MTUS2: variants seen among roughly 807,000 people sequenced by gnomAD.
The protein encoded by MTUS2 is microtubule-associated tumor suppressor candidate 2.
Under a neutral mutation model 114.1 loss-of-function variants are expected in MTUS2, and 40 were observed. The ratio of observed to expected loss-of-function variants is 0.35; its 90% CI spans 0.27 to 0.46. MTUS2 has a LOEUF of 0.46. Among genes scored for constraint, MTUS2 ranks in the 20% least tolerant of loss-of-function variants. The pLI is 1.00. For missense variants in MTUS2, 1,679 were observed against 1,705.4 expected (o/e 0.98, Z 0.27); for synonymous variants, 688 against 672.0 (o/e 1.02, Z -0.37).
intron 5 of MTUS2, among the ~76,000 whole-genome samples, chr13:29,148,967 A>C (rs1318191782): frequency 1.3e-5 from 2 of 152,078 alleles, no homozygotes; most frequent in African/African-American, 4.8e-5. Flanking sequence ...TGTCTTTGCT[A>C]TTTTGAATAA....
At chr13:28,979,796 G>A (rs1046101667) in intron 2 of MTUS2, among the ~76,000 whole-genome samples, 2 of 152,116 alleles carry the variant, frequency 1.3e-5, no homozygotes, top group East Asian at 1.9e-4. Context: ...ATATCTTAAC[G>A]TTAGCATTAA....
intron 2 of MTUS2, among the ~76,000 whole-genome samples, chr13:28,841,449 G>A (rs1276586070): frequency 1.3e-5 from 2 of 152,164 alleles, no homozygotes; most frequent in Non-Finnish European, 2.9e-5. Flanking sequence ...GGCCGCTGGA[G>A]CGGCCGGAAG....
At chr13:29,306,728 A>G in intron 6 of MTUS2, 1 of 289,380 alleles carries the variant, frequency 3.5e-6, no homozygotes, top group Non-Finnish European at 7.0e-6. Context: ...CTCCTGTTCG[A>G]CAGACAGCCA....
intron 2 of MTUS2, among the ~76,000 whole-genome samples, chr13:28,997,147 T>TA (rs1462326524): frequency 1.3e-5 from 2 of 152,220 alleles, no homozygotes; most frequent in Non-Finnish European, 2.9e-5. Flanking sequence ...TTCATTTCGT[T>TA]ATGTACCCAG....
At chr13:29,356,194 A>G (rs1869726793) in intron 7 of MTUS2, among the ~76,000 whole-genome samples, 1 of 152,094 alleles carries the variant, frequency 6.6e-6, no homozygotes, top group Non-Finnish European at 1.5e-5. Flanking sequence ...CCCTCCTTTA[A>G]AGCCTGCATG....
chr13:29,209,036 CTTATTATT>C (rs1895310027), intron 5 of MTUS2, among the ~76,000 whole-genome samples: 1 of 152,052 alleles, frequency 6.6e-6, no homozygotes, highest in Non-Finnish European at 1.5e-5. Context: ...AAGTCTCCCA[CTTATTATT>C]GTGTTGCTGT....
At chr13:29,013,986 T>G (rs1885961419) in intron 2 of MTUS2, among the ~76,000 whole-genome samples, 1 of 152,262 alleles carries the variant, frequency 6.6e-6, no homozygotes, top group Non-Finnish European at 1.5e-5. Flanking sequence ...CCTCAGGAGA[T>G]AGCAATTTCT....
intron 5 of MTUS2, among the ~76,000 whole-genome samples, chr13:29,142,444 C>G (rs1049351595): frequency 6.6e-6 from 1 of 152,128 alleles, no homozygotes; most frequent in Admixed American, 6.5e-5. Flanking sequence ...TGGCTCACGC[C>G]TATAATCCCA....
In MTUS2 at chr13:29,397,627, A is replaced by G. The variant is rs1874007574; in HGVS notation, c.3117+38154A>G. 1.3e-5 allele frequency among the ~76,000 whole-genome samples: 2 copies of G among 152,330 alleles called. 1 individual carries two copies. Among genetic ancestry groups the G allele is most frequent in the South Asian group, 4.1e-4 (2 of 4,822 alleles). ...CACTGCTGTGAATTACTTTACTGGT[A>G]GTTTTCCTAATTTTTTGTCCTTCTG... On this transcript the variant is annotated intron_variant, in intron 8 of 15. Coordinates refer to ENST00000612955, the MANE Select transcript of MTUS2 (RefSeq NM_001033602.4).
chr13:29,432,561 T>G (rs1033819874), intron 8 of MTUS2, among the ~76,000 whole-genome samples: 55 of 152,222 alleles, frequency 3.6e-4, no homozygotes, highest in Admixed American at 2.7e-3. Flanking sequence ...GCGAATGGAA[T>G]CTGAGCCAGC....
Position 28,975,403 on chromosome 13 carries a change from C to T in MTUS2, c.-242-49054C>T, listed in dbSNP as rs373364649. Among the ~76,000 whole-genome samples, 8 of 152,334 alleles carry T rather than the reference C, an allele frequency of 5.3e-5. No individual in the cohort carries two copies. In the South Asian group the frequency reaches 6.2e-4, roughly 12 times the overall value. ...AGTCCTGTTAGAGTTCTCCTGGTCC[C>T]GGCTCTGACTCTCCACAGTGGCTTC... is the stretch of plus-strand genomic sequence containing the variant. On this transcript the variant is annotated intron_variant, in intron 2 of 15. Transcript: ENST00000612955.
At chr13:29,254,479 T>C (rs1407015264) in intron 5 of MTUS2, among the ~76,000 whole-genome samples, 2 of 152,236 alleles carry the variant, frequency 1.3e-5, no homozygotes, top group African/African-American at 4.8e-5. Flanking sequence ...CAGCAACAAG[T>C]CGTACCAACA....
chr13:28,935,937 G>A (rs1881879041), intron 2 of MTUS2, among the ~76,000 whole-genome samples: 1 of 152,016 alleles, frequency 6.6e-6, no homozygotes, highest in Non-Finnish European at 1.5e-5. Context: ...TGTAGAGATG[G>A]GATCTCGCTC....
At chr13:28,884,935 A>G (rs538815100) in intron 2 of MTUS2, among the ~76,000 whole-genome samples, 2 of 152,146 alleles carry the variant, frequency 1.3e-5, no homozygotes, top group East Asian at 3.9e-4. Context: ...TTGTTGGGAG[A>G]GTTTATCATT....
At chr13:29,073,754 C>A (rs1889053399) in intron 4 of MTUS2, among the ~76,000 whole-genome samples, 1 of 152,128 alleles carries the variant, frequency 6.6e-6, no homozygotes, top group African/African-American at 2.4e-5. Context: ...GTAGGAGAGC[C>A]TCCCATAGAG....
intron 9 of MTUS2, among the ~76,000 whole-genome samples, chr13:29,447,630 A>G (rs1385989536): frequency 7.5e-6 from 1 of 133,290 alleles, no homozygotes; most frequent in Non-Finnish European, 1.6e-5. Flanking sequence ...TTTTTTTTTA[A>G]TGCTGGTCAT....
chr13:29,320,638 TC>T (rs1420452614), intron 6 of MTUS2, among the ~76,000 whole-genome samples: 2 of 152,170 alleles, frequency 1.3e-5, no homozygotes, highest in Non-Finnish European at 2.9e-5. Flanking sequence ...AGTTGGGACT[TC>T]CTACTGAAGC....
intron 2 of MTUS2, among the ~76,000 whole-genome samples, chr13:28,956,607 G>C (rs1883079901): frequency 6.6e-6 from 1 of 152,168 alleles, no homozygotes; most frequent in South Asian, 2.1e-4. Context: ...ACATAATAAA[G>C]ACCCAAACTT....
At chr13:29,371,981 C>CG (rs111990546) in intron 8 of MTUS2, among the ~76,000 whole-genome samples, 4,716 of 53,516 alleles carry the variant, frequency 0.088, 450 homozygotes, top group African/African-American at 0.25. Flanking sequence ...CCCCCGCCCC[C>CG]CCCCCCACAC....
Sources: gnomAD v4.1 joint callset for allele counts (sites outside exome capture counted in the v4.1 genomes callset) on GRCh38, gnomAD v4.1.1 for gene constraint, MANE v1.5 for transcripts, NCBI Gene and HGNC (gene_info 2026-07-23, HGNC 2026-07-21) for gene names.